MDM1: variants seen among roughly 807,000 people sequenced by gnomAD.
MDM1 encodes Mdm1 nuclear protein.
In MDM1, 61 loss-of-function variants were observed where a neutral mutation model predicts 89.1. The ratio of observed to expected loss-of-function variants is 0.68; its 90% CI spans 0.56 to 0.85. The LOEUF (loss-of-function observed/expected upper bound fraction) is 0.85. Ranked by LOEUF, MDM1 falls within the 40% of genes least tolerant of loss-of-function variation. MDM1 has a pLI of 0.00. For missense variants in MDM1, 820 were observed against 846.5 expected, an observed-to-expected ratio of 0.97 and a Z score of 0.39; for synonymous variants, 290 against 294.1, an observed-to-expected ratio of 0.99 and a Z score of 0.14.
chr12:68,330,769 T>G, intron 2 of MDM1: 1 of 225,604 alleles, frequency 4.4e-6, no homozygotes, highest in South Asian at 9.3e-5. Context: ...ATACTCTTGA[T>G]GGGCTTTTGT....
intron 12 of MDM1, among the ~76,000 whole-genome samples, chr12:68,308,162 G>A (rs1040254933): frequency 6.5e-5 from 9 of 139,106 alleles, no homozygotes; most frequent in African/African-American, 2.7e-5. Context: ...GTCTCACTCT[G>A]TCGCCCAGGC....
intron 14 of MDM1, among the ~76,000 whole-genome samples, chr12:68,295,788 A>C (rs965572898): frequency 6.6e-6 from 1 of 152,218 alleles, no homozygotes; most frequent in Non-Finnish European, 1.5e-5. Flanking sequence ...CATTTACATC[A>C]CATTTCTAAA....
At chr12:68,306,654 G>A (rs1176004491) in intron 12 of MDM1, among the ~76,000 whole-genome samples, 1 of 152,184 alleles carries the variant, frequency 6.6e-6, no homozygotes, top group Non-Finnish European at 1.5e-5. Flanking sequence ...AATCACCAGA[G>A]AGATGCAAAT....
chr12:68,327,306 T>C, intron 2 of MDM1: 1 of 1,425,326 alleles, frequency 7.0e-7, no homozygotes, highest in African/African-American at 1.4e-5. Context: ...GTCACTAGAA[T>C]TGCAACGTGA....
Position 68,326,312 on chromosome 12 carries a change from G to C in MDM1, c.498+345C>G, listed in dbSNP as rs867030079. On this transcript the variant is annotated intron_variant, in intron 3 of 14. Transcript: ENST00000682720. The stretch of plus-strand genomic sequence containing the variant: ...CTGAAAAGGGGCTAGGTAGAAGTCA[G>C]CTCAGCACCCTGCCAGAAGTAAGGG... 4 of 1,359,472 alleles carry C rather than the reference G, an allele frequency of 2.9e-6. No homozygotes were observed. The South Asian group carries it at 7.3e-5, about 25-fold the overall frequency. The allele number at this position is 1,359,472 out of a possible 1,614,324, so 84.2% of individuals were successfully genotyped here.
At position 68,331,161 on chromosome 12, in the gene MDM1, T is replaced by C; in HGVS notation, c.79A>G (p.Asn27Asp). 1 of 1,612,444 alleles carries C rather than the reference T, an allele frequency of 6.2e-7. No individual in the cohort carries two copies. The highest frequency in any genetic ancestry group is 1.3e-5 in the African/African-American group (1 of 74,986). ...GGGTACTTTCGCCCCACGGAGGAAT[T>C]ACAAGACTCGGACAAATAAGACTTT... is the stretch of plus-strand genomic sequence containing the variant. Reference protein sequence around the residue: ...WKKSYLSESCNSSVGRKYPWA... With the variant: ...WKKSYLSESCDSSVGRKYPWA... Residue 27 changes from asparagine (N) to aspartate (D), a missense_variant, in exon 2 of 15, where the codon AAT (asparagine) becomes GAT (aspartate). By Grantham distance (23) the Asn-to-Asp change is conservative. Coordinates refer to ENST00000682720, the MANE Select transcript of MDM1 (RefSeq NM_001354969.2).
rs1442708192 is a variant in MDM1, at chr12:68,326,446, T to C, written c.498+211A>G. 4.8e-6 allele frequency: 7 copies of C among 1,468,500 alleles called. No individual in the cohort carries two copies. In the African/African-American group the frequency reaches 7.1e-5, roughly 15 times the overall value. The allele number at this position is 1,468,500 out of a possible 1,614,324, so 91.0% of individuals were successfully genotyped here. ...GGTCCATCCAATAAACAGATTATCATAGTACAACTACTACAAAATAGCGAG... is the reference window on the plus strand; with the variant it reads ...GGTCCATCCAATAAACAGATTATCACAGTACAACTACTACAAAATAGCGAG... On this transcript the variant is annotated intron_variant, in intron 3 of 14. Coordinates refer to ENST00000682720, the MANE Select transcript of MDM1 (RefSeq NM_001354969.2).
At chr12:68,302,496 A>C in intron 13 of MDM1, 124 bp downstream of exon 13, 1 of 901,056 alleles carries the variant, frequency 1.1e-6, no homozygotes, top group Non-Finnish European at 1.6e-6. Flanking sequence ...AAGAAATTTT[A>C]TTAATACATT....
At chr12:68,330,829 TTTAAC>T in intron 2 of MDM1, 1 of 361,492 alleles carries the variant, frequency 2.8e-6, no homozygotes. Flanking sequence ...GCTTTCAATA[TTTAAC>T]TTAACCGCTC....
rs1871220035 is a variant in MDM1 at position 68,295,269 on chromosome 12, G to C, written c.2160C>G (p.Phe720Leu). The change falls in exon 15 of 15, where the codon TTC becomes TTG. Residue 720 changes from phenylalanine (F) to leucine (L), a missense_variant. Transcript: ENST00000682720. The stretch of plus-strand genomic sequence containing the variant: ...TCAGCTAGGTTTATGTTTTACCCCA[G>C]AAATTCTCCTTCCTTTTCTTAGCTC... ...LARAKKRKEN[F>L]WGKT 1.2e-6 allele frequency: 2 copies of C among 1,611,426 alleles called. No individual in the cohort carries two copies. Among genetic ancestry groups the C allele is most frequent in the African/African-American group, 2.7e-5 (2 of 74,952 alleles).
At chr12:68,324,301 G>A (rs910435964) in intron 4 of MDM1, among the ~76,000 whole-genome samples, 6 of 151,870 alleles carry the variant, frequency 4.0e-5, no homozygotes, top group African/African-American at 1.5e-4. Context: ...ATAAAAAACT[G>A]AATAATTACA....
intron 1 of MDM1, 180 bp downstream of exon 1, chr12:68,332,048 G>C (rs1324994079): frequency 6.4e-6 from 5 of 775,802 alleles, no homozygotes; most frequent in Non-Finnish European, 1.1e-5. Flanking sequence ...AGTGAGCGGA[G>C]AGGGAACTAG....
chr12:68,329,604 ACAG>A (rs2121193282), intron 2 of MDM1, among the ~76,000 whole-genome samples: 1 of 152,332 alleles, frequency 6.6e-6, no homozygotes, highest in East Asian at 1.9e-4. Flanking sequence ...CCAACATCAC[ACAG>A]CTATTATAAT....
At chr12:68,322,517 C>T (rs909365181) in intron 5 of MDM1, among the ~76,000 whole-genome samples, 2 of 152,060 alleles carry the variant, frequency 1.3e-5, no homozygotes, top group African/African-American at 4.8e-5. Flanking sequence ...ATCTGTAGTC[C>T]CAGCTACTCA....
intron 13 of MDM1, among the ~76,000 whole-genome samples, chr12:68,298,359 T>C (rs1871689751): frequency 6.6e-6 from 1 of 152,128 alleles, no homozygotes; most frequent in Admixed American, 6.5e-5. Context: ...TGGTGGGAAG[T>C]TTCTTTCAGC....
At chr12:68,321,136 C>T in intron 7 of MDM1, 1 of 407,526 alleles carries the variant, frequency 2.5e-6, no homozygotes, top group South Asian at 8.3e-5. Flanking sequence ...CTTAAAAGAC[C>T]TCAATAAATA....
At position 68,295,199 on chromosome 12, in the gene MDM1, G is replaced by A; in HGVS notation, c.*55C>T. ...CACTCAAAAAATTTTAACACAGTAA[G>A]CAATAAAGAAAAATTATGCCAATGT... On this transcript the variant is annotated 3_prime_UTR_variant, in exon 15 of 15. Transcript: ENST00000682720. 1 of 1,152,740 alleles carries A rather than the reference G, an allele frequency of 8.7e-7. No individual in the cohort carries two copies. Among genetic ancestry groups the A allele is most frequent in the Non-Finnish European group, 1.3e-6 (1 of 793,370 alleles). The allele number at this position is 1,152,740 out of a possible 1,614,324, so 71.4% of individuals were successfully genotyped here.
intron 12 of MDM1, among the ~76,000 whole-genome samples, chr12:68,309,968 A>G (rs79236878): frequency 0.012 from 1,796 of 152,296 alleles, 17 homozygotes; most frequent in Middle Eastern, 0.02. Context: ...ACGTATGTAC[A>G]TATGTATGTA....
In MDM1 at chr12:68,316,197, A is replaced by T; in HGVS notation, c.1092T>A (p.His364Gln). ...TCTGATTCAGATGGTCCCGAGAAAA[A>T]TGCGTCCCCTGAACTCGCTTCCTAT... ...EFYRKRVQGT[H>Q]FSRDHLNQIL... Residue 364 changes from histidine to glutamine, a missense_variant, in exon 9 of 15, where the codon CAT becomes CAA. By Grantham distance (24) the His-to-Gln change is conservative. Coordinates refer to ENST00000682720, the MANE Select transcript of MDM1 (RefSeq NM_001354969.2). 2 of 1,614,110 alleles carry T rather than the reference A, an allele frequency of 1.2e-6. No individual in the cohort carries two copies. The highest frequency in any genetic ancestry group is 1.7e-6 in the Non-Finnish European group (2 of 1,179,986).
Sources: allele counts gnomAD v4.1 joint callset (sites outside exome capture counted in the v4.1 genomes callset), GRCh38; gene constraint gnomAD v4.1.1; transcripts MANE v1.5; gene names NCBI Gene and HGNC (gene_info 2026-07-23, HGNC 2026-07-21).